LHFPL6: variants seen among roughly 807,000 people sequenced by gnomAD.
The protein encoded by LHFPL6 is LHFPL tetraspan subfamily member 6, also known as LHFPL tetraspan subfamily member 6 protein.
Under a neutral mutation model 20.6 loss-of-function variants are expected in LHFPL6, and 9 were observed. That is an observed-to-expected ratio of 0.44 (90% CI 0.26 to 0.76). The LOEUF (loss-of-function observed/expected upper bound fraction) is 0.76, where lower values mean the gene tolerates loss of function less well. Ranked by LOEUF, LHFPL6 falls within the 30% of genes least tolerant of loss-of-function variation. The probability of loss-of-function intolerance (pLI) is 0.20; values close to 1 mark genes in which losing one functional copy is unlikely to be tolerated. For synonymous variants in LHFPL6, 105 were observed against 98.7 expected, an observed-to-expected ratio of 1.06 and a Z score of -0.38; for missense variants, 218 against 253.5, an observed-to-expected ratio of 0.86 and a Z score of 0.95.
intron 2 of LHFPL6, among the ~76,000 whole-genome samples, chr13:39,397,749 G>T (rs1870879784): frequency 6.6e-6 from 1 of 152,168 alleles, no homozygotes; most frequent in Admixed American, 6.5e-5. Flanking sequence ...TCTTTGGAAA[G>T]AAACTTGTTC....
intron 3 of LHFPL6, among the ~76,000 whole-genome samples, chr13:39,377,549 T>TAA (rs1285554662): frequency 6.6e-6 from 1 of 152,214 alleles, no homozygotes; most frequent in Non-Finnish European, 1.5e-5. Flanking sequence ...TGGAATAGAC[T>TAA]AAATGCCCAG....
rs552105918 is a variant in LHFPL6 at position 39,466,164 on chromosome 13, T to C, written c.386-87638A>G. Among the ~76,000 whole-genome samples the C allele has an allele frequency of 5.0e-4, 76 of 152,322 alleles. 1 individual carries two copies. Among genetic ancestry groups the C allele is most frequent in the African/African-American group, 1.5e-3 (62 of 41,566 alleles). On this transcript the variant is annotated intron_variant, in intron 2 of 3. Transcript: ENST00000379589. The stretch of plus-strand genomic sequence containing the variant: ...GAAGAGATTTGGGGACATGATTTAG[T>C]AAATCTTAAAAACGTTCAGCCTAAA...
chr13:39,552,888 C>T (rs1480097608), intron 2 of LHFPL6, among the ~76,000 whole-genome samples: 1 of 151,926 alleles, frequency 6.6e-6, no homozygotes, highest in African/African-American at 2.4e-5. Context: ...ACCTTACTTG[C>T]AGGATTTGTT....
At chr13:39,410,295 G>A (rs915283247) in intron 2 of LHFPL6, among the ~76,000 whole-genome samples, 8 of 152,242 alleles carry the variant, frequency 5.3e-5, no homozygotes, top group African/African-American at 9.6e-5. Flanking sequence ...GTCCTCAGCA[G>A]TATTATGCAA....
At chr13:39,480,161 G>T (rs1194234163) in intron 2 of LHFPL6, among the ~76,000 whole-genome samples, 1 of 152,156 alleles carries the variant, frequency 6.6e-6, no homozygotes, top group Non-Finnish European at 1.5e-5. Flanking sequence ...AGAAGGTCTT[G>T]TCTGAGAAAA....
chr13:39,358,013 C>G (rs1178528798), intron 3 of LHFPL6, among the ~76,000 whole-genome samples: 1 of 152,114 alleles, frequency 6.6e-6, no homozygotes, highest in Non-Finnish European at 1.5e-5. Flanking sequence ...CTATCAACTA[C>G]TAACATCATT....
chr13:39,378,328 G>A, intron 3 of LHFPL6, 100 bp downstream of exon 3: 1 of 816,640 alleles, frequency 1.2e-6, no homozygotes, highest in Non-Finnish European at 2.1e-6. Context: ...TAATACCCAG[G>A]GAGGTTTTTC....
At chr13:39,452,331 T>C (rs1485923503) in intron 2 of LHFPL6, among the ~76,000 whole-genome samples, 1 of 152,174 alleles carries the variant, frequency 6.6e-6, no homozygotes, top group Admixed American at 6.5e-5. Context: ...ATATTTGAAA[T>C]GTTTGCCCTT....
intron 2 of LHFPL6, among the ~76,000 whole-genome samples, chr13:39,453,426 G>A (rs1171825017): frequency 6.6e-6 from 1 of 152,194 alleles, no homozygotes; most frequent in African/African-American, 2.4e-5. Flanking sequence ...TTTAACTCAT[G>A]CAGTACCTTT....
chr13:39,448,752 C>A (rs1178122127), intron 2 of LHFPL6, among the ~76,000 whole-genome samples: 1 of 152,132 alleles, frequency 6.6e-6, no homozygotes, highest in Non-Finnish European at 1.5e-5. Context: ...TTAATCCAAC[C>A]AGATCATTTG....
At chr13:39,599,468 T>C (rs529432378) in intron 2 of LHFPL6, among the ~76,000 whole-genome samples, 64 of 152,374 alleles carry the variant, frequency 4.2e-4, no homozygotes, top group African/African-American at 1.5e-3. Flanking sequence ...TAAATATACA[T>C]ATCACATGCA....
At chr13:39,393,919 T>C (rs1325876443) in intron 2 of LHFPL6, among the ~76,000 whole-genome samples, 1 of 152,172 alleles carries the variant, frequency 6.6e-6, no homozygotes, top group Non-Finnish European at 1.5e-5. Context: ...CCCTAATGTC[T>C]CTTTGTAAGT....
At chr13:39,586,999 A>C (rs1009442948) in intron 2 of LHFPL6, among the ~76,000 whole-genome samples, 19 of 152,116 alleles carry the variant, frequency 1.2e-4, no homozygotes, top group Admixed American at 1.0e-3. Context: ...TCTCCTAAAA[A>C]TACAAAAATT....
intron 2 of LHFPL6, among the ~76,000 whole-genome samples, chr13:39,508,699 T>C (rs937660830): frequency 6.6e-6 from 1 of 152,256 alleles, no homozygotes; most frequent in Non-Finnish European, 1.5e-5. Flanking sequence ...TTCCAGTGTA[T>C]GGATATATCC....
chr13:39,435,969 T>C (rs1032475597), intron 2 of LHFPL6, among the ~76,000 whole-genome samples: 2 of 151,944 alleles, frequency 1.3e-5, no homozygotes, highest in African/African-American at 4.8e-5. Context: ...TATTCTTTTG[T>C]TCTGGAAAAT....
intron 3 of LHFPL6, among the ~76,000 whole-genome samples, chr13:39,368,150 T>A (rs938359403): frequency 2.0e-5 from 3 of 151,726 alleles, no homozygotes; most frequent in Non-Finnish European, 4.4e-5. Context: ...GCCATCATGG[T>A]GAAACCCTGT....
intron 2 of LHFPL6, among the ~76,000 whole-genome samples, chr13:39,546,130 T>C (rs895866137): frequency 2.6e-5 from 4 of 152,118 alleles, no homozygotes. Context: ...GCCTAGCCCA[T>C]GGTAAGCCCC....
intron 2 of LHFPL6, among the ~76,000 whole-genome samples, chr13:39,420,586 G>A (rs778085058): frequency 2.0e-5 from 3 of 152,184 alleles, no homozygotes; most frequent in Non-Finnish European, 2.9e-5. Context: ...GGTTTGTGAC[G>A]TTTGAGTAGG....
chr13:39,525,669 C>T (rs1374994012), intron 2 of LHFPL6, among the ~76,000 whole-genome samples: 1 of 151,772 alleles, frequency 6.6e-6, no homozygotes, highest in Non-Finnish European at 1.5e-5. Context: ...AAAAAAAATA[C>T]TAAGGATGGC....
Sources: gnomAD v4.1 joint callset for allele counts (sites outside exome capture counted in the v4.1 genomes callset) on GRCh38, gnomAD v4.1.1 for gene constraint, MANE v1.5 for transcripts, NCBI Gene and HGNC (gene_info 2026-07-23, HGNC 2026-07-21) for gene names.